The following NBN variants were observed in gnomAD, a reference collection of about 807,000 sequenced individuals.
NBN encodes the protein Nijmegen breakage syndrome 1 (nibrin).
A neutral mutation model predicts 90.8 loss-of-function variants in NBN; 88 were observed. The observed-to-expected ratio is 0.97, with a 90% CI of 0.82 to 1.16. The LOEUF (loss-of-function observed/expected upper bound fraction) is 1.16, where lower values mean the gene tolerates loss of function less well. Ranked by LOEUF, NBN falls within the 50% of genes most tolerant of loss-of-function variation. NBN has a pLI of 0.00. For missense variants in NBN, 894 were observed against 869.6 expected (o/e 1.03, Z -0.35); for synonymous variants, 328 against 295.1 (o/e 1.11, Z -1.14).
At chr8:89,947,954 T>C (rs1810275730) in intron 11 of NBN, 62 bp from the exon 12 acceptor site, 1 of 1,004,424 alleles carries the variant, frequency 1.0e-6, no homozygotes, top group Admixed American at 2.2e-5. Flanking sequence ...TTTCTATCAC[T>C]TCTTGGCCTT....
intron 2 of NBN, chr8:89,982,450 G>T: frequency 2.1e-6 from 1 of 477,190 alleles, no homozygotes; most frequent in Non-Finnish European, 3.8e-6. Flanking sequence ...TGTTTAGTAA[G>T]CAAATAAAAA....
Position 89,964,497 on chromosome 8 carries a change from T to C in NBN, c.907A>G (p.Arg303Gly), listed in dbSNP as rs764823411. 6.3e-7 allele frequency: 1 copy of C among 1,595,008 alleles called. No individual in the cohort carries two copies. Among genetic ancestry groups the C allele is most frequent in the South Asian group, 1.1e-5 (1 of 90,708 alleles). Residue 303 changes from arginine to glycine, a missense_variant, in exon 8 of 16, where the codon AGA becomes GGA. Transcript: ENST00000265433. The stretch of plus-strand genomic sequence containing the variant: ...CCAATTTCTGCTTCAGGAATAGGTC[T>C]AAGACCTTGCCTATTAGAATAAAAT... Reference protein sequence around the residue: ...IMDMLQRQGLRPIPEAEIGLA... With the variant: ...IMDMLQRQGLGPIPEAEIGLA...
At chr8:89,960,740 A>G in intron 8 of NBN, among the ~76,000 whole-genome samples, 1 of 152,200 alleles carries the variant, frequency 6.6e-6, no homozygotes. Context: ...AAAATACCAT[A>G]AGGGCAGGAA....
rs1288613167 is a variant in NBN at position 89,937,153 on chromosome 8, C to G, written c.2185-78G>C. The G allele has an allele frequency of 3.6e-6, 5 of 1,377,002 alleles. No homozygotes were observed. In the East Asian group the frequency reaches 1.2e-4, roughly 32 times the overall value. 85.3% of individuals were successfully genotyped at this position (1,377,002 alleles called of 1,614,324 possible). A position where few individuals can be genotyped will look rare whatever the true frequency, so the allele number is the denominator to read the frequency against. ...AATGAATTGCTATAGTGATAGGTCA[C>G]TGTCATCTTAGAGATTTCCACATCC... On this transcript the variant is annotated intron_variant, in intron 14 of 15. Coordinates refer to ENST00000265433, the MANE Select transcript of NBN (RefSeq NM_002485.5).
intron 9 of NBN, among the ~76,000 whole-genome samples, chr8:89,956,436 C>A (rs1007611217): frequency 6.6e-6 from 1 of 151,896 alleles, no homozygotes; most frequent in Non-Finnish European, 1.5e-5. Context: ...AAAGTGCTAA[C>A]CCCTTCCATT....
chr8:89,974,251 C>CT (rs905605538), intron 5 of NBN, among the ~76,000 whole-genome samples: 15,749 of 106,414 alleles, frequency 0.15, 2,456 homozygotes, highest in African/African-American at 0.38. Flanking sequence ...TACTATATGG[C>CT]TTTTTTTTTT....
chr8:89,952,350 G>T (rs1810482467), intron 11 of NBN, among the ~76,000 whole-genome samples: 1 of 152,202 alleles, frequency 6.6e-6, no homozygotes, highest in African/African-American at 2.4e-5. Context: ...CTTACCAGCT[G>T]ACTCCAATGC....
At chr8:89,962,927 C>T (rs998339120) in intron 8 of NBN, among the ~76,000 whole-genome samples, 3 of 152,170 alleles carry the variant, frequency 2.0e-5, no homozygotes, top group Non-Finnish European at 2.9e-5. Context: ...AATGTGATGT[C>T]GTAACAGCTT....
intron 5 of NBN, among the ~76,000 whole-genome samples, 158 bp downstream of exon 5, chr8:89,978,062 T>C (rs1811852933): frequency 6.6e-6 from 1 of 152,242 alleles, no homozygotes; most frequent in South Asian, 2.1e-4. Context: ...GGGAACTCTT[T>C]CTTTACAAAC....
Position 89,958,757 on chromosome 8 carries a change from T to C in NBN, c.1092A>G (p.Val364=). ...CTGCTTGCTCTGATTCTGTGTCAGC[T>C]ACGTATGTTGTAGTGTTCACTGGGG... ...PSAPVNTTTY[V]ADTESEQADT... The change falls in exon 9 of 16, where the codon GTA becomes GTG. Residue 364 remains valine, a synonymous_variant. Coordinates refer to ENST00000265433, the MANE Select transcript of NBN (RefSeq NM_002485.5). The C allele has an allele frequency of 6.2e-7, 1 of 1,614,136 alleles. No homozygotes were observed. Among genetic ancestry groups the C allele is most frequent in the Non-Finnish European group, 8.5e-7 (1 of 1,179,982 alleles).
In NBN at chr8:89,934,887, A is replaced by G. The variant is rs1809593012; in HGVS notation, c.*695T>C. The G allele has an allele frequency of 4.3e-6, 1 of 232,396 alleles. No homozygotes were observed. Among genetic ancestry groups the G allele is most frequent in the Non-Finnish European group, 8.5e-6 (1 of 117,602 alleles). The allele number at this position is 232,396 out of a possible 1,614,324, so 14.4% of individuals were successfully genotyped here. On this transcript the variant is annotated 3_prime_UTR_variant, in exon 16 of 16. Coordinates refer to ENST00000265433, the MANE Select transcript of NBN (RefSeq NM_002485.5). The stretch of plus-strand genomic sequence containing the variant: ...ACCCACCCAGCTCAGTAAGACCACC[A>G]AAAAGGGGTACAGGTCTTTCCATTC...
At chr8:89,940,638 A>G (rs1416568069) in intron 14 of NBN, among the ~76,000 whole-genome samples, 4 of 151,562 alleles carry the variant, frequency 2.6e-5, no homozygotes, top group South Asian at 4.1e-4. Context: ...AAAAAAAAAA[A>G]GGGATATTGG....
intron 5 of NBN, among the ~76,000 whole-genome samples, chr8:89,973,513 T>C (rs1233424133): frequency 1.3e-5 from 2 of 152,196 alleles, no homozygotes; most frequent in Non-Finnish European, 1.5e-5. Flanking sequence ...AATACCTACA[T>C]TTGATATATG....
rs1586043675 is a variant in NBN at position 89,947,852 on chromosome 8, T to C, written c.1886A>G (p.Asp629Gly). The stretch of plus-strand genomic sequence containing the variant: ...TATTTCTTTAGCTGACCATAGTGAG[T>C]CTTCCTTGAGTTCACGTTTCTTCCC... ...EIGKKRELKE[D>G]SLWSAKEISN... Residue 629 changes from aspartate to glycine, a missense_variant, in exon 12 of 16, where the codon GAC becomes GGC. Coordinates refer to ENST00000265433, the MANE Select transcript of NBN (RefSeq NM_002485.5). 6.3e-7 allele frequency: 1 copy of C among 1,583,922 alleles called. No individual in the cohort carries two copies. The highest frequency in any genetic ancestry group is 8.6e-7 in the Non-Finnish European group (1 of 1,156,838).
intron 7 of NBN, among the ~76,000 whole-genome samples, chr8:89,969,527 C>G (rs1429707909): frequency 6.6e-6 from 1 of 152,158 alleles, no homozygotes; most frequent in Non-Finnish European, 1.5e-5. Context: ...GTAAATTCTA[C>G]AAATTCTATT....
At position 89,934,553 on chromosome 8, in the gene NBN, G is replaced by T; in HGVS notation, c.*1029C>A. On this transcript the variant is annotated 3_prime_UTR_variant, in exon 16 of 16. Coordinates refer to ENST00000265433, the MANE Select transcript of NBN (RefSeq NM_002485.5). ...AGAGTGATGTAGAGGCCAGCCTCTT[G>T]TCCCTTCTGTTGCTTCTGTTTACAA... The T allele has an allele frequency of 4.3e-6, 1 of 233,184 alleles. No individual in the cohort carries two copies. Among genetic ancestry groups the T allele is most frequent in the Non-Finnish European group, 8.5e-6 (1 of 118,008 alleles). The allele number at this position is 233,184 out of a possible 1,614,324, so 14.4% of individuals were successfully genotyped here.
At chr8:89,983,916 T>C (rs1469849107) in intron 1 of NBN, among the ~76,000 whole-genome samples, 1 of 152,070 alleles carries the variant, frequency 6.6e-6, no homozygotes, top group Non-Finnish European at 1.5e-5. Context: ...TCTTTGCCAA[T>C]CATCATGTAA....
intron 5 of NBN, among the ~76,000 whole-genome samples, chr8:89,975,373 C>A (rs1358416837): frequency 6.6e-6 from 1 of 152,116 alleles, no homozygotes; most frequent in East Asian, 1.9e-4. Context: ...ATTTCATATC[C>A]TTTTCGTAAC....
intron 14 of NBN, among the ~76,000 whole-genome samples, chr8:89,939,316 A>G (rs535916419): frequency 9.1e-4 from 139 of 152,292 alleles, no homozygotes; most frequent in African/African-American, 3.2e-3. Context: ...CATGCAGCAA[A>G]AGCAAGTCAA....
Sources: gnomAD v4.1 joint callset for allele counts (sites outside exome capture counted in the v4.1 genomes callset) on GRCh38, gnomAD v4.1.1 for gene constraint, MANE v1.5 for transcripts, NCBI Gene and HGNC (gene_info 2026-07-23, HGNC 2026-07-21) for gene names.